The following SH3PXD2B variants were observed in gnomAD, a reference collection of about 807,000 sequenced individuals.
SH3PXD2B encodes SH3 and PX domains 2B.
SH3PXD2B carries 37 observed loss-of-function variants against 73.1 expected under a neutral mutation model. The observed-to-expected ratio is 0.51, with a 90% CI of 0.39 to 0.67. SH3PXD2B has a LOEUF of 0.67. SH3PXD2B is among the 30% of genes least tolerant of loss of function. SH3PXD2B has a pLI of 0.00. For missense variants in SH3PXD2B, 1,053 were observed against 1,197.8 expected, an observed-to-expected ratio of 0.88 and a Z score of 1.78; for synonymous variants, 457 against 480.5, an observed-to-expected ratio of 0.95 and a Z score of 0.64.
chr5:172,332,347 G>C (rs1756574600), downstream of SH3PXD2B, among the ~76,000 whole-genome samples: 1 of 149,056 alleles, frequency 6.7e-6, no homozygotes, highest in Non-Finnish European at 1.5e-5. Context: ...TTGAACTCCT[G>C]GGCTCAAGCA....
At chr5:172,329,077 A>AT (rs1386202364), downstream of SH3PXD2B, among the ~76,000 whole-genome samples, 42 of 63,550 alleles carry the variant, frequency 6.6e-4, no homozygotes, top group African/African-American at 2.1e-3. Context: ...ATATATATAT[A>AT]TATATATTTT....
intron 3 of SH3PXD2B, 40 bp downstream of exon 3, chr5:172,406,237 G>GC: frequency 1.9e-6 from 3 of 1,602,554 alleles, no homozygotes; most frequent in Non-Finnish European, 2.6e-6. Flanking sequence ...CTGTAACAGA[G>GC]CCCCCAGTGT....
At chr5:172,365,128 A>T (rs1757485462) in intron 6 of SH3PXD2B, among the ~76,000 whole-genome samples, 1 of 152,168 alleles carries the variant, frequency 6.6e-6, no homozygotes, top group Non-Finnish European at 1.5e-5. Context: ...TGCTGCTTGC[A>T]CTCTGCATAG....
chr5:172,329,032 C>T (rs1157763049), downstream of SH3PXD2B, among the ~76,000 whole-genome samples: 2 of 66,910 alleles, frequency 3.0e-5, no homozygotes, highest in Non-Finnish European at 6.3e-5. Flanking sequence ...TATACATATA[C>T]GTATATATAT....
At chr5:172,332,239 G>A (rs1381869273), downstream of SH3PXD2B, among the ~76,000 whole-genome samples, 2 of 148,092 alleles carry the variant, frequency 1.4e-5, no homozygotes, top group Admixed American at 6.9e-5. Flanking sequence ...CCAGAACACC[G>A]CATGACTTTT....
At chr5:172,396,960 A>G (rs1758316467) in intron 3 of SH3PXD2B, among the ~76,000 whole-genome samples, 1 of 152,208 alleles carries the variant, frequency 6.6e-6, no homozygotes, top group African/African-American at 2.4e-5. Context: ...AAAGAAAAAA[A>G]TGTAGATGAA....
chr5:172,357,626 G>A (rs1476135), intron 8 of SH3PXD2B, among the ~76,000 whole-genome samples: 151,342 of 152,152 alleles, frequency 0.99, 75,271 homozygotes, highest in East Asian at 1. Context: ...ATCATTCACC[G>A]TCTCAAGGGC....
In SH3PXD2B at chr5:172,335,021, T is replaced by C. The variant is rs1279210935; in HGVS notation, c.*3348A>G. 1.0e-6 allele frequency: 1 copy of C among 985,368 alleles called. No individual in the cohort carries two copies. Among genetic ancestry groups the C allele is most frequent in the Non-Finnish European group, 1.2e-6 (1 of 829,964 alleles). The allele number at this position is 985,368 out of a possible 1,614,324, so 61.0% of individuals were successfully genotyped here. A position where few individuals can be genotyped will look rare whatever the true frequency, so the allele number is the denominator to read the frequency against. On this transcript the variant is annotated 3_prime_UTR_variant, in exon 13 of 13. Transcript: ENST00000311601. ...AAGGGCCATTAAAAGCGGTTTAAGC[T>C]GGAGCTCAGCTCTCCCGCAGTCTCA...
intron 10 of SH3PXD2B, among the ~76,000 whole-genome samples, chr5:172,348,448 T>C (rs186322410): frequency 3.7e-4 from 57 of 152,112 alleles, no homozygotes; most frequent in Non-Finnish European, 6.0e-4. Flanking sequence ...GGCAACAAGA[T>C]AGATGTGGAG....
chr5:172,379,977 C>G (rs7715331), intron 5 of SH3PXD2B, among the ~76,000 whole-genome samples: 3 of 152,190 alleles, frequency 2.0e-5, no homozygotes, highest in Non-Finnish European at 2.9e-5. Flanking sequence ...CTGTGCCTCT[C>G]TTTCATTATC....
chr5:172,390,945 G>A (rs181531008), intron 4 of SH3PXD2B, among the ~76,000 whole-genome samples: 167 of 151,602 alleles, frequency 1.1e-3, no homozygotes, highest in African/African-American at 3.9e-3. Context: ...GGGTTCAAGC[G>A]ATTCTCCTGC....
At chr5:172,418,542 G>C (rs1360441021) in intron 2 of SH3PXD2B, among the ~76,000 whole-genome samples, 2 of 152,238 alleles carry the variant, frequency 1.3e-5, no homozygotes, top group Non-Finnish European at 2.9e-5. Flanking sequence ...AGACAAGAGG[G>C]AGGGGAGGGT....
intron 3 of SH3PXD2B, among the ~76,000 whole-genome samples, chr5:172,399,559 T>C (rs1332347180): frequency 1.3e-5 from 2 of 152,192 alleles, no homozygotes; most frequent in African/African-American, 2.4e-5. Flanking sequence ...GCCAACTCCT[T>C]AGAAGCCGGC....
rs1225692989 is a variant in SH3PXD2B at position 172,394,555 on chromosome 5, A to G, written c.309+8T>C. On this transcript the variant is annotated splice_region_variant and intron_variant, in intron 4 of 12. Coordinates refer to ENST00000311601, the MANE Select transcript of SH3PXD2B (RefSeq NM_001017995.3). ...AGGGAAGACTGCGTGGGCATTTCTC[A>G]GCCTTACCTTACAGTATTCATCAAT... The G allele has an allele frequency of 6.2e-7, 1 of 1,613,970 alleles. No individual in the cohort carries two copies. Among genetic ancestry groups the G allele is most frequent in the African/African-American group, 1.3e-5 (1 of 74,950 alleles).
chr5:172,362,273 C>T (rs537052475), intron 7 of SH3PXD2B, among the ~76,000 whole-genome samples: 1 of 152,158 alleles, frequency 6.6e-6, no homozygotes, highest in Non-Finnish European at 1.5e-5. Context: ...CTCAGTCATA[C>T]CACATTCTGT....
At chr5:172,446,652 G>A (rs904088393) in intron 1 of SH3PXD2B, among the ~76,000 whole-genome samples, 3 of 152,140 alleles carry the variant, frequency 2.0e-5, no homozygotes, top group African/African-American at 7.2e-5. Flanking sequence ...CTGCACCTCC[G>A]GTGGGAGGCA....
At chr5:172,387,312 A>AAGTCCACAC (rs1160406602) in intron 4 of SH3PXD2B, among the ~76,000 whole-genome samples, 3 of 152,256 alleles carry the variant, frequency 2.0e-5, no homozygotes, top group Non-Finnish European at 4.4e-5. Context: ...CTCTAATCAG[A>AAGTCCACAC]AGTCCACACT....
chr5:172,419,650 G>A (rs1239711672), intron 2 of SH3PXD2B, among the ~76,000 whole-genome samples: 1 of 152,152 alleles, frequency 6.6e-6, no homozygotes, highest in Non-Finnish European at 1.5e-5. Context: ...CTGGTTCCTG[G>A]CCCCTGCGAG....
At chr5:172,439,696 A>ATG (rs1561584009) in intron 1 of SH3PXD2B, among the ~76,000 whole-genome samples, 5 of 91,936 alleles carry the variant, frequency 5.4e-5, no homozygotes, top group African/African-American at 1.8e-4. Flanking sequence ...GCGCGCGCAC[A>ATG]CACACACACA....
Sources: allele counts gnomAD v4.1 joint callset (sites outside exome capture counted in the v4.1 genomes callset), GRCh38; gene constraint gnomAD v4.1.1; transcripts MANE v1.5; gene names NCBI Gene and HGNC (gene_info 2026-07-23, HGNC 2026-07-21).